Variants in PSTPIP1 observed in about 807,000 individuals in gnomAD.
PSTPIP1 encodes proline-serine-threonine phosphatase interacting protein 1.
Under a neutral mutation model 69.6 loss-of-function variants are expected in PSTPIP1, and 66 were observed. The observed-to-expected ratio is 0.95, with a 90% CI of 0.78 to 1.16. The LOEUF (loss-of-function observed/expected upper bound fraction) is 1.16. Among genes scored for constraint, PSTPIP1 ranks in the 50% most tolerant of loss-of-function variants. The pLI is 0.00. For synonymous variants in PSTPIP1, 266 were observed against 222.7 expected (o/e 1.19, Z -1.73); for missense variants, 603 against 557.4 (o/e 1.08, Z -0.82).
chr15:77,025,197 C>A, intron 3 of PSTPIP1, 87 bp from the exon 4 acceptor site: 2 of 1,437,500 alleles, frequency 1.4e-6, no homozygotes, highest in Non-Finnish European at 2.0e-6. Flanking sequence ...AAAGTCCTCC[C>A]CACTGCCCAC....
At chr15:77,014,993 C>T (rs1017552801) in intron 1 of PSTPIP1, among the ~76,000 whole-genome samples, 2 of 152,184 alleles carry the variant, frequency 1.3e-5, no homozygotes, top group African/African-American at 4.8e-5. Flanking sequence ...ACCTGGCACC[C>T]CTAATCCAGG....
At chr15:77,036,336 G>T (rs2076572810) in intron 14 of PSTPIP1, among the ~76,000 whole-genome samples, 1 of 152,198 alleles carries the variant, frequency 6.6e-6, no homozygotes, top group African/African-American at 2.4e-5. Flanking sequence ...GCAGGTCATA[G>T]CTTGAGGGCC....
intron 1 of PSTPIP1, among the ~76,000 whole-genome samples, chr15:77,002,563 A>C (rs1005738761): frequency 6.6e-6 from 1 of 152,230 alleles, no homozygotes; most frequent in Admixed American, 6.5e-5. Flanking sequence ...ATTTTGTGGT[A>C]CGTGGGCCTC....
At chr15:76,996,741 G>A (rs1450305809) in intron 1 of PSTPIP1, among the ~76,000 whole-genome samples, 1 of 152,216 alleles carries the variant, frequency 6.6e-6, no homozygotes, top group African/African-American at 2.4e-5. Flanking sequence ...CTGGGCCTCA[G>A]TTTCCCCATC....
intron 3 of PSTPIP1, among the ~76,000 whole-genome samples, chr15:77,018,788 C>A (rs748672214): frequency 3.3e-5 from 5 of 152,174 alleles, no homozygotes; most frequent in African/African-American, 1.2e-4. Flanking sequence ...ATTTGCAGCG[C>A]AGTCTGCACC....
upstream of PSTPIP1, chr15:76,994,873 C>T: frequency 1.6e-6 from 2 of 1,288,802 alleles, no homozygotes; most frequent in Admixed American, 2.3e-5. Flanking sequence ...ATCTCTGGGC[C>T]CAGCCTGGAA....
intron 1 of PSTPIP1, among the ~76,000 whole-genome samples, chr15:77,017,074 G>A (rs1027308482): frequency 6.6e-6 from 1 of 152,104 alleles, no homozygotes; most frequent in African/African-American, 2.4e-5. Context: ...GCCTGCCTTG[G>A]TGCAGTTGGT....
In PSTPIP1 at chr15:77,035,251, C is replaced by T. The variant is rs937085983; in HGVS notation, c.930-257C>T. On this transcript the variant is annotated intron_variant, in intron 12 of 14. Coordinates refer to ENST00000558012, the MANE Select transcript of PSTPIP1 (RefSeq NM_003978.5). ...ATCCTCCCAAGGGCCCTGCAGGGAGCAGGTGCTGAGATGGCCTGCAGAGGG... is the reference window on the plus strand; with the variant it reads ...ATCCTCCCAAGGGCCCTGCAGGGAGTAGGTGCTGAGATGGCCTGCAGAGGG... Among the ~76,000 whole-genome samples, 6 of 152,272 alleles carry T rather than the reference C, an allele frequency of 3.9e-5. No homozygotes were observed. The East Asian group carries it at 5.8e-4, about 15-fold the overall frequency.
At position 77,027,923 on chromosome 15, in the gene PSTPIP1, C is replaced by T. The variant is rs747910381; in HGVS notation, c.417+9C>T. ...ACAAGAAGGCCATGGAGGTGAGCGC[C>T]AGGGCCTGGGGCCGCGGCCTTCCCT... On this transcript the variant is annotated intron_variant, in intron 6 of 14. Coordinates refer to ENST00000558012, the MANE Select transcript of PSTPIP1 (RefSeq NM_003978.5). The surrounding 1 kb of genome is among the most constrained non-coding windows in gnomAD (Gnocchi z 4.3). 6.4e-7 allele frequency: 1 copy of T among 1,555,680 alleles called. No individual in the cohort carries two copies. The highest frequency in any genetic ancestry group is 1.2e-5 in the South Asian group (1 of 84,292).
chr15:77,010,779 G>A (rs1344673940), intron 1 of PSTPIP1, among the ~76,000 whole-genome samples: 5 of 151,898 alleles, frequency 3.3e-5, no homozygotes, highest in South Asian at 2.1e-4. Flanking sequence ...TCCGAGTAGC[G>A]GGGATTACAT....
chr15:77,025,243 T>C (rs1299126894), intron 3 of PSTPIP1, 41 bp from the exon 4 acceptor site: 2 of 1,578,788 alleles, frequency 1.3e-6, no homozygotes, highest in Admixed American at 1.7e-5. Flanking sequence ...AGGTTCCCGC[T>C]GTGCTCTCCT....
rs3935339 is a variant in PSTPIP1, at chr15:77,029,688, C to T, written c.562+114C>T. On this transcript the variant is annotated intron_variant, in intron 8 of 14. Transcript: ENST00000558012. The stretch of plus-strand genomic sequence containing the variant: ...CTCCCCCTGGCTGCACAATCATGGG[C>T]GCGGCGCTCTCATTCCAGATATGTG... 411,902 of 1,218,290 alleles carry T rather than the reference C, an allele frequency of 0.34. 72,150 individuals are homozygous for T. The highest frequency in any genetic ancestry group is 0.45 in the East Asian group (17,335 of 38,600). The allele number at this position is 1,218,290 out of a possible 1,614,324, so 75.5% of individuals were successfully genotyped here.
At chr15:77,021,541 T>C (rs2076162038) in intron 3 of PSTPIP1, among the ~76,000 whole-genome samples, 1 of 152,070 alleles carries the variant, frequency 6.6e-6, no homozygotes, top group African/African-American at 2.4e-5. Flanking sequence ...TAGTTGGGCA[T>C]GGTGACGCGA....
At chr15:77,036,697 C>T (rs117080115) in intron 14 of PSTPIP1, among the ~76,000 whole-genome samples, 209 of 152,156 alleles carry the variant, frequency 1.4e-3, no homozygotes, top group East Asian at 5.2e-3. Flanking sequence ...GGCTGGGGAC[C>T]GCAAAGGGGA....
At position 77,032,965 on chromosome 15, in the gene PSTPIP1, C is replaced by T. The variant is rs199891584; in HGVS notation, c.929+13C>T. 2.5e-6 allele frequency: 4 copies of T among 1,587,696 alleles called. No individual in the cohort carries two copies. The highest frequency in any genetic ancestry group is 3.4e-6 in the Non-Finnish European group (4 of 1,167,106). On this transcript the variant is annotated intron_variant, in intron 12 of 14. Coordinates refer to ENST00000558012, the MANE Select transcript of PSTPIP1 (RefSeq NM_003978.5). The stretch of plus-strand genomic sequence containing the variant: ...GCATGATAAAGAGGTGAGGCCCCGA[C>T]AGACGGAGGGAGGGCCTAAGGCTGG...
At chr15:77,033,588 A>G (rs2076474568) in intron 12 of PSTPIP1, among the ~76,000 whole-genome samples, 1 of 152,158 alleles carries the variant, frequency 6.6e-6, no homozygotes, top group Non-Finnish European at 1.5e-5. Context: ...GTGAGCATCC[A>G]CAAGGGTCTG....
intron 6 of PSTPIP1, chr15:77,028,220 G>C (rs2076330571): frequency 3.9e-6 from 2 of 511,096 alleles, no homozygotes; most frequent in East Asian, 3.4e-5. Context: ...GCGAGACGCT[G>C]GACAGGAAGG....
intron 1 of PSTPIP1, among the ~76,000 whole-genome samples, chr15:77,006,176 T>G (rs1185975926): frequency 6.6e-6 from 1 of 152,220 alleles, no homozygotes; most frequent in Non-Finnish European, 1.5e-5. Context: ...AGGCATGAAG[T>G]AATATCTCAT....
At chr15:77,026,058 G>A in intron 5 of PSTPIP1, 1 of 457,356 alleles carries the variant, frequency 2.2e-6, no homozygotes. Context: ...CACAGACTGG[G>A]GTGGGAGAGT....
Sources: gnomAD v4.1 joint callset for allele counts (sites outside exome capture counted in the v4.1 genomes callset) on GRCh38, gnomAD v4.1.1 for gene constraint, Gnocchi (gnomAD v3.1) non-coding constraint, MANE v1.5 for transcripts, NCBI Gene and HGNC (gene_info 2026-07-23, HGNC 2026-07-21) for gene names.